Variants in MTM1 observed in about 807,000 individuals in gnomAD.
The protein encoded by MTM1 is myotubularin.
A neutral mutation model predicts 52.1 loss-of-function variants in MTM1; 9 were observed. That is an observed-to-expected ratio of 0.17 (90% CI 0.10 to 0.30). MTM1 has a LOEUF of 0.30. Ranked by LOEUF, MTM1 falls within the 10% of genes least tolerant of loss-of-function variation. The pLI, the probability that MTM1 is intolerant of heterozygous loss-of-function variation, is 1.00. For missense variants in MTM1, 277 were observed against 470.7 expected, an observed-to-expected ratio of 0.59 and a Z score of 3.81; for synonymous variants, 136 against 163.8, an observed-to-expected ratio of 0.83 and a Z score of 1.29.
intron 1 of MTM1, among the ~76,000 whole-genome samples, chrX:150,583,305 A>T (rs1330384586): frequency 2.0e-5 from 1 of 50,486 alleles, no homozygotes. Flanking sequence ...TATATATATT[A>T]TATATAATTA....
intron 9 of MTM1, among the ~76,000 whole-genome samples, chrX:150,648,096 T>C (rs2039964366): frequency 8.9e-6 from 1 of 111,805 alleles, no homozygotes; most frequent in South Asian, 3.7e-4. Flanking sequence ...TGCTTATTTA[T>C]TAGCTAATAA....
At chrX:150,605,391 C>T (rs781969921) in intron 4 of MTM1, among the ~76,000 whole-genome samples, 2 of 112,366 alleles carry the variant, frequency 1.8e-5, no homozygotes, top group East Asian at 2.8e-4. Context: ...ATAGAGTTTT[C>T]ATTTTCTGAA....
intron 4 of MTM1, among the ~76,000 whole-genome samples, chrX:150,606,903 T>TC (rs1557412842): frequency 8.6e-5 from 7 of 81,822 alleles, no homozygotes; most frequent in Admixed American, 5.4e-4. Flanking sequence ...CTCCCTTCCC[T>TC]GGGTTCCCTC....
intron 5 of MTM1, among the ~76,000 whole-genome samples, chrX:150,616,177 G>T (rs1487392724): frequency 9.0e-5 from 10 of 111,498 alleles, no homozygotes; most frequent in African/African-American, 3.3e-4. Flanking sequence ...GACTATTTAC[G>T]AACAAAAGGC....
chrX:150,668,339 T>C, intron 14 of MTM1, among the ~76,000 whole-genome samples: 1 of 111,669 alleles, frequency 9.0e-6, no homozygotes, highest in Non-Finnish European at 1.9e-5. Context: ...TTCTCTAGGA[T>C]ACAGGTTCTA....
intron 4 of MTM1, among the ~76,000 whole-genome samples, chrX:150,613,866 A>G (rs2039334749): frequency 8.9e-6 from 1 of 112,160 alleles, no homozygotes; most frequent in Non-Finnish European, 1.9e-5. Context: ...CCAGCGTTGG[A>G]TAGCAAATGA....
chrX:150,620,109 A>G (rs1424131471), intron 6 of MTM1, among the ~76,000 whole-genome samples: 2 of 112,180 alleles, frequency 1.8e-5, no homozygotes, highest in African/African-American at 6.5e-5. Flanking sequence ...TGATGGGAAC[A>G]CATCTTCTTA....
chrX:150,640,766 C>T (rs1343488354), intron 7 of MTM1, among the ~76,000 whole-genome samples: 9 of 111,837 alleles, frequency 8.0e-5, no homozygotes, highest in Non-Finnish European at 1.7e-4. Context: ...TCTTCCTTTA[C>T]TTCCCCTCAT....
intron 1 of MTM1, among the ~76,000 whole-genome samples, chrX:150,591,256 G>T (rs2038880464): frequency 8.9e-6 from 1 of 112,258 alleles, no homozygotes; most frequent in African/African-American, 3.2e-5. Context: ...CCTAGTTCCA[G>T]TGTTCTGGGA....
chrX:150,569,290 G>A (rs2038321952), intron 1 of MTM1, among the ~76,000 whole-genome samples: 2 of 113,664 alleles, frequency 1.8e-5, no homozygotes, highest in Non-Finnish European at 3.7e-5. Context: ...ACAGGCACGA[G>A]CAAGCGCCCG....
intron 6 of MTM1, among the ~76,000 whole-genome samples, chrX:150,623,581 A>G (rs2039517886): frequency 9.0e-6 from 1 of 111,027 alleles, no homozygotes; most frequent in Non-Finnish European, 1.9e-5. Context: ...TTGTGGAAAG[A>G]AATCTTGCCT....
chrX:150,634,453 A>G (rs1253025587), intron 6 of MTM1, among the ~76,000 whole-genome samples: 1 of 112,611 alleles, frequency 8.9e-6, no homozygotes, highest in African/African-American at 3.2e-5. Context: ...TGATAAATGT[A>G]GCTAAATTAA....
rs1184716210 is a variant in MTM1 at position 150,592,846 on chromosome X, C to CT, written c.63+183dup. ...ATTGTCTCACCTTGTTCTAGAAAAG[C>CT]TTTTTTTTTTTTTTGGAGACAGAGT... On this transcript the variant is annotated intron_variant, in intron 2 of 14. Coordinates refer to ENST00000370396, the MANE Select transcript of MTM1 (RefSeq NM_000252.3). 0.015 allele frequency among the ~76,000 whole-genome samples: 1,527 copies of CT among 99,528 alleles called. 36 individuals carry two copies. Among genetic ancestry groups the CT allele is most frequent in the African/African-American group, 0.051 (1,400 of 27,561 alleles). 86.4% of individuals were successfully genotyped at this position (99,528 alleles called of 115,157 possible).
chrX:150,583,713 ATATATATTATATAAAT>A (rs2038700406), intron 1 of MTM1, among the ~76,000 whole-genome samples: 1 of 45,640 alleles, frequency 2.2e-5, no homozygotes, highest in Non-Finnish European at 3.6e-5. Flanking sequence ...TATATAAATT[ATATATATTATATAAAT>A]TATATATTAT....
chrX:150,588,493 G>A, intron 1 of MTM1, among the ~76,000 whole-genome samples: 1 of 111,850 alleles, frequency 8.9e-6, no homozygotes, highest in Non-Finnish European at 1.9e-5. Context: ...AAAATGGCAT[G>A]CATTTTTTAA....
At chrX:150,628,692 C>T (rs946632776) in intron 6 of MTM1, among the ~76,000 whole-genome samples, 1 of 110,004 alleles carries the variant, frequency 9.1e-6, no homozygotes, top group Admixed American at 9.6e-5. Flanking sequence ...TTTGAACATT[C>T]GAAATCAAGG....
chrX:150,649,018 G>C (rs782048714), intron 9 of MTM1, among the ~76,000 whole-genome samples: 65 of 112,739 alleles, frequency 5.8e-4, no homozygotes, highest in African/African-American at 2.1e-3. Flanking sequence ...CTGCTGAAGA[G>C]AGAAAATTAT....
At chrX:150,584,889 A>G (rs782200595) in intron 1 of MTM1, among the ~76,000 whole-genome samples, 1 of 111,518 alleles carries the variant, frequency 9.0e-6, no homozygotes, top group East Asian at 2.8e-4. Flanking sequence ...AAAAATTAGT[A>G]TTTGAAGTAT....
At chrX:150,640,596 G>T (rs2039831632) in intron 7 of MTM1, among the ~76,000 whole-genome samples, 1 of 111,968 alleles carries the variant, frequency 8.9e-6, no homozygotes, top group Non-Finnish European at 1.9e-5. Context: ...GGAGATGATA[G>T]GATGGGAGGT....
Sources: gnomAD v4.1 joint callset for allele counts (sites outside exome capture counted in the v4.1 genomes callset) on GRCh38, gnomAD v4.1.1 for gene constraint, MANE v1.5 for transcripts, NCBI Gene and HGNC (gene_info 2026-07-23, HGNC 2026-07-21) for gene names.